ZNF345: variants seen among roughly 807,000 people sequenced by gnomAD.
The protein encoded by ZNF345 is zinc finger protein 345.
For missense variants in ZNF345, 527 were observed against 589.9 expected (o/e 0.89, Z 1.10); for synonymous variants, 166 against 187.9 (o/e 0.88, Z 0.95).
chr19:36,887,692 AGACCACTGTT>A (rs1415014430), intron 3 of ZNF345, among the ~76,000 whole-genome samples: 1 of 152,220 alleles, frequency 6.6e-6, no homozygotes, highest in Non-Finnish European at 1.5e-5. Flanking sequence ...CGTAGAGCCC[AGACCACTGTT>A]TCCTGACATG....
At chr19:36,857,894 G>A (rs2072457593) in intron 2 of ZNF345, among the ~76,000 whole-genome samples, 1 of 152,110 alleles carries the variant, frequency 6.6e-6, no homozygotes, top group Non-Finnish European at 1.5e-5. Context: ...TTCTGCCTCA[G>A]CCTCCCAAGT....
chr19:36,868,971 T>C, intron 2 of ZNF345, among the ~76,000 whole-genome samples: 1 of 152,120 alleles, frequency 6.6e-6, no homozygotes, highest in East Asian at 1.9e-4. Flanking sequence ...TGCAGATTAT[T>C]TTAGCGAGTA....
intron 2 of ZNF345, among the ~76,000 whole-genome samples, chr19:36,853,006 A>G (rs2072319152): frequency 6.6e-6 from 1 of 151,264 alleles, no homozygotes; most frequent in Non-Finnish European, 1.5e-5. Context: ...CGGCAGTTGT[A>G]CATATGTGTA....
At chr19:36,856,225 C>T (rs570593985) in intron 2 of ZNF345, among the ~76,000 whole-genome samples, 4 of 152,280 alleles carry the variant, frequency 2.6e-5, no homozygotes, top group African/African-American at 9.6e-5. Flanking sequence ...TTGCTCCCTA[C>T]CTACATTGTA....
intron 2 of ZNF345, among the ~76,000 whole-genome samples, chr19:36,853,631 G>A (rs1436300215): frequency 3.3e-5 from 5 of 152,114 alleles, no homozygotes; most frequent in African/African-American, 4.8e-5. Flanking sequence ...TTTTTCTCCC[G>A]AGTGTGTATC....
intron 3 of ZNF345, chr19:36,891,418 C>T: frequency 7.1e-7 from 1 of 1,404,956 alleles, no homozygotes; most frequent in Non-Finnish European, 9.5e-7. Context: ...TAATATGTAT[C>T]CTAATTTGTT....
At chr19:36,854,295 A>G (rs1466660340) in intron 2 of ZNF345, among the ~76,000 whole-genome samples, 3 of 143,898 alleles carry the variant, frequency 2.1e-5, no homozygotes, top group Non-Finnish European at 4.5e-5. Flanking sequence ...CCCCTCCTCC[A>G]CCTCTTCCTC....
At chr19:36,880,470 A>G (rs947264465), downstream of ZNF345, among the ~76,000 whole-genome samples, 1 of 152,054 alleles carries the variant, frequency 6.6e-6, no homozygotes, top group Non-Finnish European at 1.5e-5. Context: ...TTAATTCAGT[A>G]CTCATCTGCA....
rs11306503 is a variant in ZNF345, at chr19:36,859,092, T to TA, written c.-47+7203dup. On this transcript the variant is annotated intron_variant, in intron 2 of 2. Coordinates refer to ENST00000420450, the MANE Select transcript of ZNF345 (RefSeq NM_001242472.2). ...CACGTTTAATCAGCAGTCTTCTTTT[T>TA]AAAAAAAAAAAAAAACTTTCAAAAG... Among the ~76,000 whole-genome samples, 623 of 142,526 alleles carry TA rather than the reference T, an allele frequency of 4.4e-3. 1 individual carries two copies. Among genetic ancestry groups the TA allele is most frequent in the Non-Finnish European group, 5.2e-3 (338 of 65,068 alleles). The allele number at this position is 142,526 out of a possible 152,430, so 93.5% of individuals were successfully genotyped here. A position where few individuals can be genotyped will look rare whatever the true frequency, so the allele number is the denominator to read the frequency against.
At chr19:36,882,310 CA>C (rs1212690442), downstream of ZNF345, among the ~76,000 whole-genome samples, 1 of 152,040 alleles carries the variant, frequency 6.6e-6, no homozygotes, top group Non-Finnish European at 1.5e-5. Context: ...GCTCTGTCAC[CA>C]GGCTGGAGTG....
intron 2 of ZNF345, among the ~76,000 whole-genome samples, chr19:36,870,754 T>C (rs1023790716): frequency 6.6e-6 from 1 of 152,190 alleles, no homozygotes. Flanking sequence ...TTTTAGGGTA[T>C]TTTCTTTGTT....
At chr19:36,889,510 T>C (rs1195264314) in intron 3 of ZNF345, 2 of 152,196 alleles carry the variant, frequency 1.3e-5, no homozygotes, top group African/African-American at 4.8e-5. Context: ...TTCTCCCTGG[T>C]TCAATCTTGG....
intron 3 of ZNF345, among the ~76,000 whole-genome samples, chr19:36,886,649 C>A (rs1035484730): frequency 2.0e-5 from 3 of 151,876 alleles, no homozygotes; most frequent in African/African-American, 7.3e-5. Context: ...AGTTCGAGAC[C>A]AGCCTGGCCA....
chr19:36,855,446 C>CCTTTT (rs1568349628), intron 2 of ZNF345, among the ~76,000 whole-genome samples: 4 of 113,526 alleles, frequency 3.5e-5, no homozygotes, highest in African/African-American at 1.4e-4. Flanking sequence ...CCGAGCCTGG[C>CCTTTT]CTTTTTTTTT....
upstream of ZNF345, chr19:36,850,560 T>G (rs1600679946): frequency 1.3e-5 from 2 of 152,328 alleles, no homozygotes; most frequent in African/African-American, 4.8e-5. Flanking sequence ...CTGGCTTAGC[T>G]GGATTCTTGC....
At chr19:36,892,312 A>G (rs1195280919) in intron 3 of ZNF345, 4 of 1,613,714 alleles carry the variant, frequency 2.5e-6, no homozygotes, top group Non-Finnish European at 2.5e-6. Context: ...CTTTCCACAT[A>G]TCTTACATTC....
Position 36,870,681 on chromosome 19 carries a change from G to C in ZNF345, c.-46-6104G>C, listed in dbSNP as rs192498497. ...GATCTCTGTCTTATAGTATTGTTTA[G>C]AACTCCAAAGCCATTTTCATTCCTG... On this transcript the variant is annotated intron_variant, in intron 2 of 2. Transcript: ENST00000420450. Among the ~76,000 whole-genome samples the C allele has an allele frequency of 1.8e-3, 274 of 152,180 alleles. 1 individual carries two copies. The highest frequency in any genetic ancestry group is 6.3e-3 in the African/African-American group (261 of 41,522).
chr19:36,892,939 G>T, exon 4 of ZNF345: 1 of 760,082 alleles, frequency 1.3e-6, no homozygotes, highest in Non-Finnish European at 1.8e-6. Context: ...CCATGGAGGA[G>T]GACAGGCCAG....
intron 2 of ZNF345, among the ~76,000 whole-genome samples, chr19:36,853,278 C>T (rs1262912431): frequency 8.3e-5 from 8 of 96,636 alleles, no homozygotes; most frequent in Non-Finnish European, 9.7e-5. Context: ...CTCGAAGTTT[C>T]GCTCTTATTG....
Sources: allele counts gnomAD v4.1 joint callset (sites outside exome capture counted in the v4.1 genomes callset), GRCh38; gene constraint gnomAD v4.1.1; transcripts MANE v1.5; gene names NCBI Gene and HGNC (gene_info 2026-07-23, HGNC 2026-07-21).